Variants in YAP1 observed in about 807,000 individuals in gnomAD.
YAP1 encodes Yes1 associated transcriptional regulator, also known as transcriptional coactivator YAP1.
In YAP1, 5 loss-of-function variants were observed where a neutral mutation model predicts 56.9. The ratio of observed to expected loss-of-function variants is 0.09; its 90% CI spans 0.05 to 0.18. The LOEUF is 0.18. Among genes scored for constraint, YAP1 ranks in the 10% least tolerant of loss-of-function variants. The probability of loss-of-function intolerance (pLI) is 1.00; values close to 1 mark genes in which losing one functional copy is unlikely to be tolerated. For missense variants in YAP1, 539 were observed against 651.8 expected (o/e 0.83, Z 1.88); for synonymous variants, 265 against 248.1 (o/e 1.07, Z -0.64).
In YAP1 at chr11:102,194,937, T is replaced by G. The variant is rs74694383; in HGVS notation, c.802+8806T>G. ...CCCTTTATTTTTTTAATTTTTAGTT[T>G]TTTAGAGACGGTGTATCTCTGTGTT... On this transcript the variant is annotated intron_variant, in intron 4 of 8. Transcript: ENST00000282441. Among the ~76,000 whole-genome samples, 197 of 152,256 alleles carry G rather than the reference T, an allele frequency of 1.3e-3. 2 individuals carry two copies. In the East Asian group the frequency reaches 0.032, roughly 25 times the overall value.
At chr11:102,166,351 A>G (rs1357924676) in intron 3 of YAP1, among the ~76,000 whole-genome samples, 3 of 152,026 alleles carry the variant, frequency 2.0e-5, no homozygotes, top group Non-Finnish European at 4.4e-5. Context: ...CATGGTTTTG[A>G]CATGTTTTGG....
Position 102,202,025 on chromosome 11 carries a change from G to A in YAP1, c.803-3868G>A, listed in dbSNP as rs367891606. On this transcript the variant is annotated intron_variant, in intron 4 of 8. Coordinates refer to ENST00000282441, the MANE Select transcript of YAP1 (RefSeq NM_001130145.3). ...TAGCAAAAAGATCCAGCTTGACCTGGTCAAATATGGCACACTTTGAACATT... is the reference window on the plus strand; with the variant it reads ...TAGCAAAAAGATCCAGCTTGACCTGATCAAATATGGCACACTTTGAACATT... Among the ~76,000 whole-genome samples the A allele has an allele frequency of 7.9e-5, 12 of 152,164 alleles. No individual in the cohort carries two copies. The South Asian group carries it at 2.1e-3, about 26-fold the overall frequency.
At chr11:102,143,908 C>T (rs1475259980) in intron 2 of YAP1, among the ~76,000 whole-genome samples, 4 of 152,186 alleles carry the variant, frequency 2.6e-5, no homozygotes, top group South Asian at 4.1e-4. Context: ...TTTCCCACTT[C>T]TGGGAATGAT....
intron 3 of YAP1, among the ~76,000 whole-genome samples, chr11:102,175,520 G>A (rs1202359769): frequency 6.6e-6 from 1 of 152,184 alleles, no homozygotes; most frequent in Non-Finnish European, 1.5e-5. Flanking sequence ...TAATAATATA[G>A]TCATGTATTG....
At chr11:102,194,063 C>T (rs911025131) in intron 4 of YAP1, among the ~76,000 whole-genome samples, 3 of 152,128 alleles carry the variant, frequency 2.0e-5, no homozygotes, top group South Asian at 2.1e-4. Flanking sequence ...CCTCGGCCTC[C>T]CGAAGTGCTG....
chr11:102,161,776 A>T (rs1309896606), intron 2 of YAP1, among the ~76,000 whole-genome samples: 5 of 152,208 alleles, frequency 3.3e-5, no homozygotes, highest in African/African-American at 1.2e-4. Context: ...TTGCAGTCTT[A>T]CATTTCATGG....
intron 2 of YAP1, among the ~76,000 whole-genome samples, chr11:102,154,296 C>G (rs1945825218): frequency 6.6e-6 from 1 of 152,156 alleles, no homozygotes; most frequent in Admixed American, 6.5e-5. Context: ...TATACCACAA[C>G]TGTGTTCTCT....
At chr11:102,137,909 A>G (rs1295117084) in intron 2 of YAP1, among the ~76,000 whole-genome samples, 1 of 151,378 alleles carries the variant, frequency 6.6e-6, no homozygotes, top group Non-Finnish European at 1.5e-5. Flanking sequence ...AATTTCCGAG[A>G]TGGAGTCTTG....
intron 2 of YAP1, among the ~76,000 whole-genome samples, chr11:102,157,053 A>T (rs555808018): frequency 6.6e-6 from 1 of 152,176 alleles, no homozygotes; most frequent in Non-Finnish European, 1.5e-5. Flanking sequence ...GTTTGCTTTT[A>T]TGTATTTCTG....
intron 4 of YAP1, among the ~76,000 whole-genome samples, chr11:102,188,047 G>T (rs765875722): frequency 4.6e-5 from 7 of 152,224 alleles, no homozygotes; most frequent in Admixed American, 3.9e-4. Context: ...AAAAAAACGT[G>T]TGGGTTTCTC....
At chr11:102,226,827 C>G (rs182350445) in intron 7 of YAP1, 1 of 152,146 alleles carries the variant, frequency 6.6e-6, no homozygotes, top group South Asian at 2.1e-4. Flanking sequence ...TTTTTCCTCC[C>G]CCGCCCAAAC....
intron 2 of YAP1, among the ~76,000 whole-genome samples, chr11:102,121,650 G>A (rs1291927347): frequency 6.6e-6 from 1 of 152,066 alleles, no homozygotes; most frequent in Non-Finnish European, 1.5e-5. Flanking sequence ...TCCAAAGACT[G>A]TAGTATATAT....
intron 2 of YAP1, among the ~76,000 whole-genome samples, chr11:102,119,155 A>G (rs1252583434): frequency 6.6e-6 from 1 of 151,864 alleles, no homozygotes; most frequent in Non-Finnish European, 1.5e-5. Flanking sequence ...GGGAGAGCTT[A>G]CTTCTGCTCA....
intron 6 of YAP1, among the ~76,000 whole-genome samples, chr11:102,222,093 T>C (rs1320891489): frequency 6.6e-6 from 1 of 151,984 alleles, no homozygotes; most frequent in African/African-American, 2.4e-5. Flanking sequence ...TGCAGGAGAA[T>C]TGTAGTTTAG....
intron 6 of YAP1, among the ~76,000 whole-genome samples, chr11:102,214,608 G>A (rs539388571): frequency 2.6e-5 from 4 of 151,952 alleles, no homozygotes; most frequent in East Asian, 1.9e-4. Context: ...CTTTCTCTTC[G>A]AAGTTCTGAT....
At chr11:102,156,151 A>T (rs1945929965) in intron 2 of YAP1, among the ~76,000 whole-genome samples, 1 of 152,342 alleles carries the variant, frequency 6.6e-6, no homozygotes, top group East Asian at 1.9e-4. Context: ...TCTGACATGT[A>T]GTAGTTCCAT....
chr11:102,130,061 G>A (rs1296913993), intron 2 of YAP1, among the ~76,000 whole-genome samples: 1 of 152,130 alleles, frequency 6.6e-6, no homozygotes, highest in African/African-American at 2.4e-5. Context: ...ATAGGCGTGA[G>A]CCACTGTGCC....
chr11:102,110,680 G>GGCGGGGGAT lies in YAP1; in HGVS notation c.-162_-154dup, dbSNP rs1431406319. The GGCGGGGGAT allele has an allele frequency of 1.3e-5, 6 of 464,446 alleles. No individual in the cohort carries two copies. The highest frequency in any genetic ancestry group is 1.3e-4 in the African/African-American group (6 of 47,750). 28.8% of individuals were successfully genotyped at this position (464,446 alleles called of 1,614,324 possible). A position where few individuals can be genotyped will look rare whatever the true frequency, so the allele number is the denominator to read the frequency against. Reference sequence around the variant, plus strand: ...CGCAGGGCGGGGGCGGAGGCGCCGGGGCGGGGGATGCGGGGCCGCGGCGCA... The same window carrying GGCGGGGGAT: ...CGCAGGGCGGGGGCGGAGGCGCCGGGGCGGGGGATGCGGGGGATGCGGGGCCGCGGCGCA... On this transcript the variant is annotated 5_prime_UTR_variant, in exon 1 of 9. The change creates a new upstream start codon in the 5' untranslated region. Coordinates refer to ENST00000282441, the MANE Select transcript of YAP1 (RefSeq NM_001130145.3).
chr11:102,115,821 C>G (rs1327768682), intron 2 of YAP1, among the ~76,000 whole-genome samples: 2 of 152,172 alleles, frequency 1.3e-5, no homozygotes, highest in Non-Finnish European at 2.9e-5. Context: ...GGAGTGGAAA[C>G]AAACCAGGTT....
Sources: allele counts gnomAD v4.1 joint callset (sites outside exome capture counted in the v4.1 genomes callset), GRCh38; gene constraint gnomAD v4.1.1; transcripts MANE v1.5; gene names NCBI Gene and HGNC (gene_info 2026-07-23, HGNC 2026-07-21).